CEP250: variants seen among roughly 807,000 people sequenced by gnomAD.
CEP250 encodes the protein centrosomal protein 250, also known as centrosome-associated protein CEP250.
In CEP250, 242 loss-of-function variants were observed where a neutral mutation model predicts 315.7. The ratio of observed to expected loss-of-function variants is 0.77; its 90% confidence interval spans 0.69 to 0.85. The LOEUF (loss-of-function observed/expected upper bound fraction) is 0.85, where lower values mean the gene tolerates loss of function less well. Ranked by LOEUF, CEP250 falls within the 40% of genes least tolerant of loss-of-function variation. CEP250 has a pLI of 0.00. For missense variants in CEP250, 2,515 were observed against 2,886.4 expected, an observed-to-expected ratio of 0.87 and a Z score of 2.95; for synonymous variants, 1,088 against 1,175.0, an observed-to-expected ratio of 0.93 and a Z score of 1.51.
In CEP250 at chr20:35,509,679, C is replaced by T. The variant is rs889534742; in HGVS notation, c.7009-319C>T. Among the ~76,000 whole-genome samples the T allele has an allele frequency of 2.6e-5, 4 of 152,348 alleles. No individual in the cohort carries two copies. In the East Asian group the frequency reaches 7.7e-4, roughly 29 times the overall value. On this transcript the variant is annotated intron_variant, in intron 33 of 34. Transcript: ENST00000397527. ...CGTGTCTTCCTCTCTGCATCCTTAGCTCACAGCCCAGGGCTAGCACAAAGC... is the reference window on the plus strand; with the variant it reads ...CGTGTCTTCCTCTCTGCATCCTTAGTTCACAGCCCAGGGCTAGCACAAAGC...
intron 34 of CEP250, among the ~76,000 whole-genome samples, chr20:35,510,421 CCAGCACAAGCTCCAGGCCACACAGCT>C (rs1424079761): frequency 2.4e-4 from 36 of 152,250 alleles, no homozygotes; most frequent in Middle Eastern, 3.4e-3. Flanking sequence ...GAGCCAGGCA[CCAGCACAAGCTCCAGGCCACACAGCT>C]CAGCACAAGC....
rs761603487 is a variant in CEP250, at chr20:35,502,827, G to A, written c.4458G>A (p.Arg1486=). The A allele has an allele frequency of 8.1e-6, 13 of 1,613,362 alleles. No homozygotes were observed. The highest frequency in any genetic ancestry group is 1.1e-5 in the Non-Finnish European group (13 of 1,179,766). The change falls in exon 30 of 35, where the codon AGG becomes AGA. Residue 1486 remains arginine, a synonymous_variant. Coordinates refer to ENST00000397527, the MANE Select transcript of CEP250 (RefSeq NM_007186.6). ...AGATTCAGGAGCTAGAGAAGTGTAGGTCTGTTTTAGAGCATCTGCCCATGG... is the reference window on the plus strand; with the variant it reads ...AGATTCAGGAGCTAGAGAAGTGTAGATCTGTTTTAGAGCATCTGCCCATGG... The part of the protein sequence containing the change: ...QEQIQELEKC[R]SVLEHLPMAV...
chr20:35,502,829 C>G lies in CEP250; in HGVS notation c.4460C>G (p.Ser1487Cys), dbSNP rs1162080589. 5.0e-6 allele frequency: 8 copies of G among 1,614,234 alleles called. No homozygotes were observed. The highest frequency in any genetic ancestry group is 6.8e-6 in the Non-Finnish European group (8 of 1,180,042). ...ATTCAGGAGCTAGAGAAGTGTAGGT[C>G]TGTTTTAGAGCATCTGCCCATGGCC... ...EQIQELEKCRSVLEHLPMAVQ... is the reference protein window; with the variant it reads ...EQIQELEKCRCVLEHLPMAVQ... The change falls in exon 30 of 35, where the codon TCT becomes TGT. Residue 1487 changes from serine (S) to cysteine (C), a missense_variant. Coordinates refer to ENST00000397527, the MANE Select transcript of CEP250 (RefSeq NM_007186.6).
At chr20:35,455,277 T>C (rs1412367639), upstream of CEP250, 1 of 152,216 alleles carries the variant, frequency 6.6e-6, no homozygotes, top group Non-Finnish European at 1.5e-5. Context: ...GGTGCTCGGG[T>C]TAACCGTCCG....
rs140726285 is a variant in CEP250 at position 35,476,540 on chromosome 20, C to A, written c.1808C>A (p.Ala603Asp). The A allele has an allele frequency of 6.2e-7, 1 of 1,613,996 alleles. No homozygotes were observed. The highest frequency in any genetic ancestry group is 1.6e-4 in the Middle Eastern group (1 of 6,062). The change falls in exon 16 of 35, where the codon GCC becomes GAC. Residue 603 changes from alanine (A) to aspartate (D), a missense_variant. Ala to Asp is a moderately radical substitution (Grantham distance 126). Coordinates refer to ENST00000397527, the MANE Select transcript of CEP250 (RefSeq NM_007186.6). ...CGGGCTGCAGCTGTCAAGCTCAGTG[C>A]CTTAAATGAGGCTTTGGCGTTAGAT... is the stretch of plus-strand genomic sequence containing the variant. The part of the protein sequence containing the change: ...DLRAAAVKLS[A>D]LNEALALDKV...
chr20:35,463,670 A>G, intron 5 of CEP250, 39 bp downstream of exon 5: 3 of 1,555,340 alleles, frequency 1.9e-6, no homozygotes, highest in Non-Finnish European at 2.6e-6. Flanking sequence ...CTGGGTCCTC[A>G]GTGAATATAC....
intron 2 of CEP250, among the ~76,000 whole-genome samples, chr20:35,459,435 T>A (rs1356470270): frequency 1.3e-5 from 2 of 152,136 alleles, no homozygotes; most frequent in Middle Eastern, 6.3e-3. Flanking sequence ...GCAGGACTGC[T>A]TATTAGAGAT....
intron 23 of CEP250, among the ~76,000 whole-genome samples, chr20:35,494,025 C>T (rs767191032): frequency 4.6e-5 from 7 of 152,038 alleles, no homozygotes; most frequent in Non-Finnish European, 8.8e-5. Flanking sequence ...CTATGTCGCC[C>T]GGGCTGAAGT....
At chr20:35,492,321 G>A (rs2063719798) in intron 22 of CEP250, among the ~76,000 whole-genome samples, 1 of 152,150 alleles carries the variant, frequency 6.6e-6, no homozygotes, top group Admixed American at 6.6e-5. Context: ...TGGGGAATGG[G>A]GTGGGGAATG....
Position 35,508,317 on chromosome 20 carries a change from G to GTT in CEP250, c.6906+137_6906+138dup, listed in dbSNP as rs370090387. On this transcript the variant is annotated intron_variant, in intron 32 of 34. Coordinates refer to ENST00000397527, the MANE Select transcript of CEP250 (RefSeq NM_007186.6). ...CTGCCTGTTTCTGAAAATTAAGTTTGTTTTTTTTTTTCCCGAGACAGAGTC... is the reference window on the plus strand; with the variant it reads ...CTGCCTGTTTCTGAAAATTAAGTTTGTTTTTTTTTTTTTCCCGAGACAGAGTC... 2.3e-3 allele frequency: 1,957 copies of GTT among 834,624 alleles called. 13 individuals carry two copies. In the African/African-American group the frequency reaches 0.026, roughly 11 times the overall value. The allele number at this position is 834,624 out of a possible 1,614,324, so 51.7% of individuals were successfully genotyped here.
rs1168484294 is a variant in CEP250, at chr20:35,508,053, G to A, written c.6769G>A (p.Glu2257Lys). 6.2e-7 allele frequency: 1 copy of A among 1,614,198 alleles called. No homozygotes were observed. Among genetic ancestry groups the A allele is most frequent in the African/African-American group, 1.3e-5 (1 of 75,052 alleles). Residue 2257 changes from glutamate to lysine, a missense_variant, in exon 32 of 35, where the codon GAG becomes AAG. Physicochemically the swap from Glu to Lys is moderately conservative, Grantham distance 56. Transcript: ENST00000397527. ...QLGEVSGVEA[E>K]PSPDGMEKQS... is the part of the protein sequence containing the mutation. ...CCCACAGGTCTCAGGAGTGGAGGCTGAGCCTAGTCCTGATGGAATGGAGAA... is the reference window on the plus strand; with the variant it reads ...CCCACAGGTCTCAGGAGTGGAGGCTAAGCCTAGTCCTGATGGAATGGAGAA...
chr20:35,468,309 C>T (rs971893851), intron 9 of CEP250, among the ~76,000 whole-genome samples: 1 of 152,102 alleles, frequency 6.6e-6, no homozygotes, highest in Admixed American at 6.5e-5. Flanking sequence ...GTTACTGTGC[C>T]CTTGTAGTCT....
chr20:35,464,698 G>T (rs1439132000), intron 5 of CEP250, among the ~76,000 whole-genome samples: 2 of 152,096 alleles, frequency 1.3e-5, no homozygotes, highest in Non-Finnish European at 2.9e-5. Context: ...CATGGTGGGT[G>T]GGTCACAAGG....
intron 28 of CEP250, among the ~76,000 whole-genome samples, chr20:35,501,516 G>T (rs2064001516): frequency 6.6e-6 from 1 of 152,148 alleles, no homozygotes; most frequent in Non-Finnish European, 1.5e-5. Context: ...CTGGGGGCTA[G>T]AAGGAACCTC....
At chr20:35,473,689 T>G in intron 13 of CEP250, 137 bp downstream of exon 13, 2 of 1,073,186 alleles carry the variant, frequency 1.9e-6, no homozygotes, top group South Asian at 3.4e-5. Context: ...TTTTGCCCAG[T>G]GTTTCACTTG....
chr20:35,496,572 T>A lies in CEP250; in HGVS notation c.3168-5T>A, dbSNP rs1474571010. On this transcript the variant is annotated splice_polypyrimidine_tract_variant and splice_region_variant and intron_variant, in intron 24 of 34. Transcript: ENST00000397527. ...GGCCCAGCACTCTGACCCCTCTCTT[T>A]TTAGCCTGACTCTCTCACTGATGGA... 6.2e-7 allele frequency: 1 copy of A among 1,613,420 alleles called. No homozygotes were observed. Among genetic ancestry groups the A allele is most frequent in the Non-Finnish European group, 8.5e-7 (1 of 1,179,776 alleles).
intron 20 of CEP250, among the ~76,000 whole-genome samples, chr20:35,485,645 C>CT (rs782622070): frequency 0.061 from 2,054 of 33,796 alleles, 746 homozygotes; most frequent in African/African-American, 0.12. Flanking sequence ...GTCTGCCTGG[C>CT]TTTTTTTTTT....
At chr20:35,494,042 C>T (rs1264650289) in intron 23 of CEP250, among the ~76,000 whole-genome samples, 3 of 152,098 alleles carry the variant, frequency 2.0e-5, no homozygotes, top group African/African-American at 4.8e-5. Flanking sequence ...AAGTGCAGAT[C>T]ATAACTCACT....
At chr20:35,469,461 C>T (rs1216435770) in intron 9 of CEP250, among the ~76,000 whole-genome samples, 1 of 152,224 alleles carries the variant, frequency 6.6e-6, no homozygotes, top group African/African-American at 2.4e-5. Flanking sequence ...TGAACATAAT[C>T]TTCCCCAAAT....
Sources: gnomAD v4.1 joint callset for allele counts (sites outside exome capture counted in the v4.1 genomes callset) on GRCh38, gnomAD v4.1.1 for gene constraint, MANE v1.5 for transcripts, NCBI Gene and HGNC (gene_info 2026-07-23, HGNC 2026-07-21) for gene names.